The following GPC5 variants were observed in gnomAD, a reference collection of about 807,000 sequenced individuals.
GPC5 encodes glypican 5.
Under a neutral mutation model 53.9 loss-of-function variants are expected in GPC5, and 47 were observed. The observed-to-expected ratio is 0.87, with a 90% CI of 0.69 to 1.11. The LOEUF is 1.11. Among genes scored for constraint, GPC5 ranks in the 50% most tolerant of loss-of-function variants. The pLI is 0.00. For synonymous variants in GPC5, 286 were observed against 263.3 expected (o/e 1.09, Z -0.84); for missense variants, 748 against 713.1 (o/e 1.05, Z -0.56).
At chr13:92,262,102 G>C (rs954268486) in intron 7 of GPC5, among the ~76,000 whole-genome samples, 1 of 152,108 alleles carries the variant, frequency 6.6e-6, no homozygotes, top group Non-Finnish European at 1.5e-5. Flanking sequence ...ATATTTGAGG[G>C]AGAAAAAGAA....
chr13:91,646,350 GT>G (rs2034556605), intron 2 of GPC5, among the ~76,000 whole-genome samples: 1 of 151,766 alleles, frequency 6.6e-6, no homozygotes, highest in African/African-American at 2.4e-5. Flanking sequence ...AAGGAAATGT[GT>G]TTTTACTGTT....
chr13:92,063,167 C>CA (rs2041138445), intron 6 of GPC5, among the ~76,000 whole-genome samples: 1 of 152,042 alleles, frequency 6.6e-6, no homozygotes, highest in African/African-American at 2.4e-5. Flanking sequence ...AGCAACCTGG[C>CA]ACCAACAGCT....
intron 5 of GPC5, among the ~76,000 whole-genome samples, chr13:91,904,670 A>T (rs998972873): frequency 2.6e-5 from 4 of 152,036 alleles, no homozygotes; most frequent in Admixed American, 2.6e-4. Flanking sequence ...CAAGAGGTAG[A>T]TGTTAAAAAG....
chr13:91,917,759 T>C (rs549424091), intron 6 of GPC5, among the ~76,000 whole-genome samples: 1 of 152,306 alleles, frequency 6.6e-6, no homozygotes, highest in Admixed American at 6.5e-5. Flanking sequence ...AAGTTCCTCA[T>C]CTCCACATGA....
intron 7 of GPC5, among the ~76,000 whole-genome samples, chr13:92,381,440 C>T (rs1277215570): frequency 6.6e-6 from 1 of 152,114 alleles, no homozygotes; most frequent in Non-Finnish European, 1.5e-5. Flanking sequence ...CAAATCAAAA[C>T]CACAATGCAA....
intron 4 of GPC5, among the ~76,000 whole-genome samples, chr13:91,751,343 G>C (rs953914697): frequency 6.6e-6 from 1 of 152,086 alleles, no homozygotes; most frequent in Non-Finnish European, 1.5e-5. Flanking sequence ...TATCATTGTA[G>C]CAACCGTGAG....
intron 6 of GPC5, among the ~76,000 whole-genome samples, chr13:91,928,616 G>C (rs1276938601): frequency 2.0e-5 from 3 of 152,074 alleles, no homozygotes; most frequent in Admixed American, 2.0e-4. Flanking sequence ...AATGGAGCAA[G>C]AGCAAGAATT....
At chr13:92,256,521 T>C (rs918053955) in intron 7 of GPC5, among the ~76,000 whole-genome samples, 1 of 152,082 alleles carries the variant, frequency 6.6e-6, no homozygotes, top group African/African-American at 2.4e-5. Flanking sequence ...GTTCTATCAT[T>C]TACTTTAGAG....
chr13:92,747,633 C>T (rs1889271463), intron 7 of GPC5, among the ~76,000 whole-genome samples: 1 of 152,170 alleles, frequency 6.6e-6, no homozygotes, highest in Non-Finnish European at 1.5e-5. Context: ...ACACAAGTCT[C>T]TTAACGAAAC....
intron 6 of GPC5, among the ~76,000 whole-genome samples, chr13:92,143,407 T>C (rs945383670): frequency 1.3e-5 from 2 of 152,196 alleles, no homozygotes; most frequent in African/African-American, 4.8e-5. Context: ...GTTTATTTCC[T>C]ATCTGTGTTT....
chr13:92,634,587 C>G (rs542446751), intron 7 of GPC5, among the ~76,000 whole-genome samples: 1 of 152,194 alleles, frequency 6.6e-6, no homozygotes, highest in East Asian at 1.9e-4. Context: ...TCCTGCCTAA[C>G]CGAAATTTTG....
chr13:92,519,806 CA>C (rs1422746631), intron 7 of GPC5, among the ~76,000 whole-genome samples: 2 of 152,010 alleles, frequency 1.3e-5, no homozygotes, highest in African/African-American at 4.8e-5. Context: ...GATAGAGACA[CA>C]AAAAACCCTT....
intron 7 of GPC5, among the ~76,000 whole-genome samples, chr13:92,438,624 T>C (rs920928656): frequency 6.6e-6 from 1 of 152,038 alleles, no homozygotes; most frequent in Non-Finnish European, 1.5e-5. Context: ...TTCAGAGGTA[T>C]AGAACTTGAG....
intron 5 of GPC5, among the ~76,000 whole-genome samples, chr13:91,860,451 A>ATCCT (rs1051851629): frequency 1.0e-4 from 15 of 144,572 alleles, no homozygotes; most frequent in African/African-American, 2.6e-4. Context: ...ATATATATCT[A>ATCCT]TCCTTCCTTC....
intron 7 of GPC5, among the ~76,000 whole-genome samples, chr13:92,795,974 A>G (rs1394760194): frequency 6.6e-6 from 1 of 152,150 alleles, no homozygotes; most frequent in African/African-American, 2.4e-5. Flanking sequence ...AGCATCTAGA[A>G]CTACAAATTC....
At chr13:91,742,405 G>C (rs757637626) in intron 4 of GPC5, among the ~76,000 whole-genome samples, 2 of 152,070 alleles carry the variant, frequency 1.3e-5, no homozygotes, top group Non-Finnish European at 2.9e-5. Context: ...ATTAAAAACA[G>C]AAAATGTTTT....
intron 7 of GPC5, among the ~76,000 whole-genome samples, chr13:92,772,742 G>C (rs1341653220): frequency 2.6e-5 from 4 of 152,112 alleles, no homozygotes; most frequent in African/African-American, 9.7e-5. Context: ...AAGAGTTAGT[G>C]ATACACAGTA....
intron 6 of GPC5, among the ~76,000 whole-genome samples, chr13:92,023,472 A>C (rs1389710117): frequency 6.6e-6 from 1 of 152,104 alleles, no homozygotes; most frequent in African/African-American, 2.4e-5. Flanking sequence ...GGTTCATTAA[A>C]TGAACTTGAA....
In GPC5 at chr13:91,741,921, A is replaced by G. The variant is rs139137033; in HGVS notation, c.1154+13256A>G. ...TACAATCTATTTCCTCGTAAGTGAA[A>G]GTTAGTGCGTCTTTGAGGTGCCATC... On this transcript the variant is annotated intron_variant, in intron 4 of 7. Coordinates refer to ENST00000377067, the MANE Select transcript of GPC5 (RefSeq NM_004466.6). 5.7e-3 allele frequency among the ~76,000 whole-genome samples: 869 copies of G among 152,268 alleles called. 8 individuals are homozygous for G. The highest frequency in any genetic ancestry group is 0.019 in the African/African-American group (807 of 41,538).
Sources: gnomAD v4.1 joint callset for allele counts (sites outside exome capture counted in the v4.1 genomes callset) on GRCh38, gnomAD v4.1.1 for gene constraint, MANE v1.5 for transcripts, NCBI Gene and HGNC (gene_info 2026-07-23, HGNC 2026-07-21) for gene names.